The following CHD2 variants were observed in gnomAD, a reference collection of about 807,000 sequenced individuals.
CHD2 encodes ATP-dependent chromatin remodeler CHD2.
A neutral mutation model predicts 243.9 loss-of-function variants in CHD2; 28 were observed. That is an observed-to-expected ratio of 0.11 (90% CI 0.09 to 0.16). The LOEUF is 0.16. CHD2 is among the 10% of genes least tolerant of loss of function. The probability of loss-of-function intolerance (pLI) is 1.00; values close to 1 mark genes in which losing one functional copy is unlikely to be tolerated. For synonymous variants in CHD2, 775 were observed against 779.0 expected (o/e 0.99, Z 0.09); for missense variants, 1,386 against 2,209.8 (o/e 0.63, Z 7.47).
chr15:92,970,351 A>G (rs772597828), intron 17 of CHD2, among the ~76,000 whole-genome samples: 67 of 152,086 alleles, frequency 4.4e-4, no homozygotes, highest in South Asian at 1.5e-3. Flanking sequence ...ACAGGCATGC[A>G]CCAGTACGCC....
At chr15:92,960,732 T>TTA (rs1305336683) in intron 16 of CHD2, among the ~76,000 whole-genome samples, 1 of 146,198 alleles carries the variant, frequency 6.8e-6, no homozygotes, top group Non-Finnish European at 1.5e-5. Context: ...TTTTTTTTTT[T>TTA]AAGACAGAGT....
intron 16 of CHD2, among the ~76,000 whole-genome samples, chr15:92,962,629 G>A (rs2141824448): frequency 6.6e-6 from 1 of 152,272 alleles, no homozygotes; most frequent in East Asian, 1.9e-4. Context: ...GCCTTTGTTT[G>A]AGTAGTGTTT....
At chr15:92,972,518 T>A in intron 19 of CHD2, 101 bp downstream of exon 19, 1 of 1,085,406 alleles carries the variant, frequency 9.2e-7, no homozygotes, top group Non-Finnish European at 1.3e-6. Context: ...CTTGTTAAAG[T>A]AGGAAGTAAG....
chr15:92,958,164 C>T (rs374213537), intron 16 of CHD2, among the ~76,000 whole-genome samples: 1 of 152,174 alleles, frequency 6.6e-6, no homozygotes, highest in East Asian at 1.9e-4. Context: ...TTATGTTTAA[C>T]ATTTTAGAAA....
chr15:92,943,001 C>G lies in CHD2; in HGVS notation c.985C>G (p.Gln329Glu), dbSNP rs778967384. 2.5e-6 allele frequency: 4 copies of G among 1,613,714 alleles called. No individual in the cohort carries two copies. In the South Asian group the frequency reaches 4.4e-5, roughly 18 times the overall value. Residue 329 changes from glutamine (Q) to glutamate (E), a missense_variant, in exon 9 of 39, where the codon CAA (glutamine) becomes GAA (glutamate). Around this residue, in one of 19 missense-constraint regions of CHD2, gnomAD observed 200 missense variants for 292.5 expected, o/e 0.68. Transcript: ENST00000394196. ...STWESEESLQQQKVKGLKKLE... is the reference protein window; with the variant it reads ...STWESEESLQEQKVKGLKKLE... ...ATGGGAGAGTGAAGAATCCTTACAG[C>G]AACAGAAAGTGAAGGGCCTAAAAAA...
At chr15:92,955,790 A>G (rs906589054) in intron 15 of CHD2, among the ~76,000 whole-genome samples, 1 of 152,234 alleles carries the variant, frequency 6.6e-6, no homozygotes, top group Non-Finnish European at 1.5e-5. Context: ...TAGGTCACCA[A>G]GTCCAGTTGA....
chr15:92,906,747 G>A (rs1214445302), intron 2 of CHD2, among the ~76,000 whole-genome samples: 2 of 147,624 alleles, frequency 1.4e-5, no homozygotes, highest in African/African-American at 2.5e-5. Context: ...TGAAGAACTT[G>A]GCTTTCTTGA....
chr15:92,971,740 G>T, intron 17 of CHD2, 25 bp from the exon 18 acceptor site: 1 of 1,603,770 alleles, frequency 6.2e-7, no homozygotes, highest in South Asian at 1.1e-5. Context: ...GTATCTAGTA[G>T]TATCATTATC....
At chr15:92,902,940 A>G (rs768402079) in intron 2 of CHD2, among the ~76,000 whole-genome samples, 2 of 152,164 alleles carry the variant, frequency 1.3e-5, no homozygotes, top group Non-Finnish European at 2.9e-5. Flanking sequence ...TTTTACTCTC[A>G]CCTGGAAAAC....
intron 32 of CHD2, among the ~76,000 whole-genome samples, chr15:93,001,713 C>T (rs1043686588): frequency 2.0e-5 from 3 of 152,070 alleles, no homozygotes; most frequent in Admixed American, 1.3e-4. Flanking sequence ...GACAGGGTTT[C>T]ACCATGTTGG....
At chr15:92,910,044 T>C (rs11632092) in intron 2 of CHD2, among the ~76,000 whole-genome samples, 22,628 of 151,724 alleles carry the variant, frequency 0.15, 1,824 homozygotes, top group Middle Eastern at 0.32. Flanking sequence ...TTCACTCCCA[T>C]CTCTCACACT....
chr15:92,912,359 G>T (rs965551617), intron 2 of CHD2, among the ~76,000 whole-genome samples: 4 of 152,118 alleles, frequency 2.6e-5, no homozygotes, highest in Admixed American at 2.6e-4. Context: ...TGAGTGTGTT[G>T]TGTGTTGACA....
intron 26 of CHD2, among the ~76,000 whole-genome samples, chr15:92,989,573 C>CTAAT (rs1396420915): frequency 5.9e-5 from 9 of 152,052 alleles, no homozygotes; most frequent in Admixed American, 5.2e-4. Context: ...TAGTGGTCAG[C>CTAAT]TAATGATTGA....
chr15:92,987,067 G>A (rs2054052795), intron 26 of CHD2, among the ~76,000 whole-genome samples: 2 of 152,138 alleles, frequency 1.3e-5, no homozygotes, highest in African/African-American at 4.8e-5. Context: ...AAAATGGGAT[G>A]TTGACATCTC....
chr15:93,020,165 G>T lies in CHD2; in HGVS notation c.5060G>T (p.Gly1687Val). 1.9e-6 allele frequency: 3 copies of T among 1,614,054 alleles called. No individual in the cohort carries two copies. The highest frequency in any genetic ancestry group is 2.5e-6 in the Non-Finnish European group (3 of 1,180,006). Reference protein sequence around the residue: ...DRRHMDAHRSGSYRPNNMSRK... With the variant: ...DRRHMDAHRSVSYRPNNMSRK... The stretch of plus-strand genomic sequence containing the variant: ...CGACATATGGATGCCCACCGTTCCG[G>T]AAGCTATCGACCCAACAACATGTCC... The change falls in exon 38 of 39, where the codon GGA (glycine) becomes GTA (valine). Residue 1687 changes from glycine (G) to valine (V), a missense_variant. Transcript: ENST00000394196.
intron 5 of CHD2, among the ~76,000 whole-genome samples, chr15:92,930,760 C>G (rs561006764): frequency 1.3e-5 from 2 of 152,160 alleles, no homozygotes; most frequent in Non-Finnish European, 2.9e-5. Flanking sequence ...AGTTGGCAAC[C>G]TTCAGTAGCA....
In CHD2 at chr15:92,915,298, A is replaced by G. The variant is rs535110009; in HGVS notation, c.63-9023A>G. ...ATTAAAGTTTTTTTTTTTTTGAGAC[A>G]GAGTCTCGCTCTGTTGCCCAGGCTG... On this transcript the variant is annotated intron_variant, in intron 2 of 38. Coordinates refer to ENST00000394196, the MANE Select transcript of CHD2 (RefSeq NM_001271.4). Among the ~76,000 whole-genome samples the G allele has an allele frequency of 4.0e-5, 6 of 151,822 alleles. No individual in the cohort carries two copies. The East Asian group carries it at 1.2e-3, about 29-fold the overall frequency.
At position 92,932,899 on chromosome 15, in the gene CHD2, T is replaced by C. The variant is rs576141797; in HGVS notation, c.443+3808T>C. ...CTGGGATTACAGGCATGCGCCACTG[T>C]GCCCAGCTGATTTTTGTATTTTTAA... is the stretch of plus-strand genomic sequence containing the variant. On this transcript the variant is annotated intron_variant, in intron 5 of 38. Coordinates refer to ENST00000394196, the MANE Select transcript of CHD2 (RefSeq NM_001271.4). Among the ~76,000 whole-genome samples, 4 of 152,166 alleles carry C rather than the reference T, an allele frequency of 2.6e-5. No individual in the cohort carries two copies. The East Asian group carries it at 7.8e-4, about 30-fold the overall frequency.
At chr15:93,001,163 C>T (rs769357990) in intron 32 of CHD2, among the ~76,000 whole-genome samples, 5 of 152,174 alleles carry the variant, frequency 3.3e-5, no homozygotes, top group Non-Finnish European at 7.3e-5. Flanking sequence ...AGTCACCGCG[C>T]CCGTCCTAAA....
Sources: allele counts gnomAD v4.1 joint callset (sites outside exome capture counted in the v4.1 genomes callset), GRCh38; gene constraint gnomAD v4.1.1; regional missense constraint gnomAD v4.1.1; transcripts MANE v1.5; gene names NCBI Gene and HGNC (gene_info 2026-07-23, HGNC 2026-07-21).